The following TMEM132D variants were observed in gnomAD, a reference collection of about 807,000 sequenced individuals.
The protein encoded by TMEM132D is transmembrane protein 132D, also known as mature OL transmembrane protein.
Under a neutral mutation model 62.3 loss-of-function variants are expected in TMEM132D, and 21 were observed. The ratio of observed to expected loss-of-function variants is 0.34; its 90% CI spans 0.24 to 0.49. The LOEUF (loss-of-function observed/expected upper bound fraction) is 0.49, where lower values mean the gene tolerates loss of function less well. Ranked by LOEUF, TMEM132D falls within the 20% of genes least tolerant of loss-of-function variation. TMEM132D has a pLI of 0.99. For missense variants in TMEM132D, 1,346 were observed against 1,402.8 expected, an observed-to-expected ratio of 0.96 and a Z score of 0.65; for synonymous variants, 621 against 575.6, an observed-to-expected ratio of 1.08 and a Z score of -1.13.
At chr12:129,637,142 T>A (rs1463497763) in intron 2 of TMEM132D, among the ~76,000 whole-genome samples, 1 of 152,218 alleles carries the variant, frequency 6.6e-6, no homozygotes, top group Non-Finnish European at 1.5e-5. Flanking sequence ...TGCTTTTTTC[T>A]TAAAGAGATT....
intron 5 of TMEM132D, among the ~76,000 whole-genome samples, chr12:129,185,940 C>T (rs1049863579): frequency 6.6e-6 from 1 of 152,160 alleles, no homozygotes; most frequent in Non-Finnish European, 1.5e-5. Context: ...TTCTTTTGCT[C>T]TGACAACACC....
intron 3 of TMEM132D, among the ~76,000 whole-genome samples, chr12:129,483,337 A>C (rs1047171678): frequency 6.6e-6 from 1 of 152,170 alleles, no homozygotes; most frequent in Non-Finnish European, 1.5e-5. Flanking sequence ...CCCATCCCAG[A>C]AATTCTGTTT....
intron 8 of TMEM132D, among the ~76,000 whole-genome samples, chr12:129,077,635 G>A (rs1874308354): frequency 6.6e-6 from 1 of 151,134 alleles, no homozygotes; most frequent in Non-Finnish European, 1.5e-5. Flanking sequence ...AAATACACAA[G>A]ACACACATGC....
intron 1 of TMEM132D, among the ~76,000 whole-genome samples, chr12:129,726,656 C>T (rs61945203): frequency 0.14 from 21,985 of 151,908 alleles, 1,766 homozygotes; most frequent in South Asian, 0.24. Context: ...GTGTGCAGGA[C>T]GGTAGACAGA....
At chr12:129,275,635 A>T (rs532744525) in intron 4 of TMEM132D, among the ~76,000 whole-genome samples, 1 of 152,288 alleles carries the variant, frequency 6.6e-6, no homozygotes, top group East Asian at 1.9e-4. Flanking sequence ...GAATAAGGAG[A>T]TCAAGGTCAG....
chr12:129,665,453 C>A (rs117768876), intron 2 of TMEM132D, among the ~76,000 whole-genome samples: 2,255 of 151,608 alleles, frequency 0.015, 19 homozygotes, highest in Non-Finnish European at 0.023. Context: ...CGAAACCAGA[C>A]AAAAGGCCAT....
intron 3 of TMEM132D, among the ~76,000 whole-genome samples, chr12:129,420,802 G>A (rs1367600450): frequency 6.6e-6 from 1 of 152,066 alleles, no homozygotes; most frequent in African/African-American, 2.4e-5. Context: ...TGAACACTTC[G>A]TGGGAATGTA....
chr12:129,858,848 T>C (rs1873777293), intron 1 of TMEM132D, among the ~76,000 whole-genome samples: 1 of 124,056 alleles, frequency 8.1e-6, no homozygotes, highest in Admixed American at 7.8e-5. Flanking sequence ...GCGGGATGGG[T>C]GCCCTTGTAA....
At chr12:129,364,944 T>C (rs1008978155) in intron 3 of TMEM132D, among the ~76,000 whole-genome samples, 8 of 152,248 alleles carry the variant, frequency 5.3e-5, no homozygotes, top group Non-Finnish European at 7.3e-5. Context: ...AAACCATTGT[T>C]AGATTTAGCA....
intron 1 of TMEM132D, among the ~76,000 whole-genome samples, chr12:129,790,869 A>G (rs117764697): frequency 1.3e-5 from 2 of 152,324 alleles, no homozygotes; most frequent in Non-Finnish European, 2.9e-5. Context: ...TAAACCAGAA[A>G]TATGTTTAAT....
intron 2 of TMEM132D, among the ~76,000 whole-genome samples, chr12:129,683,398 A>T (rs867059249): frequency 1.3e-5 from 2 of 152,198 alleles, no homozygotes; most frequent in African/African-American, 4.8e-5. Context: ...AAATGTGCTT[A>T]AAAAATTAAG....
rs141790006 is a variant in TMEM132D at position 129,365,674 on chromosome 12, G to A, written c.1116-27857C>T. ...CAGGGAGCCTTGGAGCAAGAACTGC[G>A]TGTAAGAGGATCCCAGAGGGCGAGG... On this transcript the variant is annotated intron_variant, in intron 3 of 8. Transcript: ENST00000422113. Among the ~76,000 whole-genome samples, 56 of 152,228 alleles carry A rather than the reference G, an allele frequency of 3.7e-4. 1 individual carries two copies. In the East Asian group the frequency reaches 5.2e-3, roughly 14 times the overall value.
intron 5 of TMEM132D, among the ~76,000 whole-genome samples, chr12:129,162,971 G>GTAGGAC (rs1877442965): frequency 1.3e-5 from 2 of 152,148 alleles, no homozygotes; most frequent in Non-Finnish European, 2.9e-5. Flanking sequence ...ACTGGACTGC[G>GTAGGAC]CAGGACCAGC....
At chr12:129,801,018 A>G (rs1871758402) in intron 1 of TMEM132D, among the ~76,000 whole-genome samples, 1 of 152,202 alleles carries the variant, frequency 6.6e-6, no homozygotes, top group Non-Finnish European at 1.5e-5. Flanking sequence ...GGGCTTAAAA[A>G]ATGGCGCACC....
chr12:129,130,055 T>TGTGTGTG (rs1555231641), intron 5 of TMEM132D, among the ~76,000 whole-genome samples: 3 of 41,598 alleles, frequency 7.2e-5, no homozygotes, highest in Non-Finnish European at 6.0e-5. Context: ...GTGTGTGTGT[T>TGTGTGTG]TATTTATGCA....
intron 6 of TMEM132D, among the ~76,000 whole-genome samples, chr12:129,083,276 G>A (rs1874511706): frequency 6.6e-6 from 1 of 152,154 alleles, no homozygotes; most frequent in Non-Finnish European, 1.5e-5. Flanking sequence ...TCAACATCTG[G>A]TCCCTTCTGT....
chr12:129,837,156 G>A (rs533406143), intron 1 of TMEM132D, among the ~76,000 whole-genome samples: 8 of 152,340 alleles, frequency 5.3e-5, no homozygotes, highest in Middle Eastern at 3.4e-3. Flanking sequence ...AGTAACATAT[G>A]TGTTACCCAA....
chr12:129,095,685 C>G (rs1875089213), intron 5 of TMEM132D, among the ~76,000 whole-genome samples: 1 of 151,984 alleles, frequency 6.6e-6, no homozygotes, highest in African/African-American at 2.4e-5. Context: ...ATCGGGGCAT[C>G]AGGGCACACA....
chr12:129,681,873 C>A (rs543823310), intron 2 of TMEM132D, among the ~76,000 whole-genome samples: 1 of 152,202 alleles, frequency 6.6e-6, no homozygotes, highest in Non-Finnish European at 1.5e-5. Flanking sequence ...ATCTGTCTCA[C>A]TATTTAGCTG....
Sources: gnomAD v4.1 joint callset for allele counts (sites outside exome capture counted in the v4.1 genomes callset) on GRCh38, gnomAD v4.1.1 for gene constraint, MANE v1.5 for transcripts, NCBI Gene and HGNC (gene_info 2026-07-23, HGNC 2026-07-21) for gene names.